The following MYOT variants were observed in gnomAD, a reference collection of about 807,000 sequenced individuals.
The protein encoded by MYOT is myotilin.
In MYOT, 36 loss-of-function variants were observed where a neutral mutation model predicts 58.0. The observed-to-expected ratio is 0.62, with a 90% CI of 0.48 to 0.82. The LOEUF (loss-of-function observed/expected upper bound fraction) is 0.82, where lower values mean the gene tolerates loss of function less well. Ranked by LOEUF, MYOT falls within the 40% of genes least tolerant of loss-of-function variation. The probability of loss-of-function intolerance (pLI) is 0.00; values close to 1 mark genes in which losing one functional copy is unlikely to be tolerated. For missense variants in MYOT, 505 were observed against 592.1 expected, an observed-to-expected ratio of 0.85 and a Z score of 1.53; for synonymous variants, 218 against 204.6, an observed-to-expected ratio of 1.07 and a Z score of -0.56.
chr5:137,870,718 C>G lies in MYOT; in HGVS notation c.67C>G (p.Pro23Ala). 1 of 1,614,254 alleles carries G rather than the reference C, an allele frequency of 6.2e-7. No individual in the cohort carries two copies. Among genetic ancestry groups the G allele is most frequent in the Non-Finnish European group, 8.5e-7 (1 of 1,180,050 alleles). The change falls in exon 2 of 10, where the codon CCT (proline) becomes GCT (alanine). Residue 23 changes from proline to alanine, a missense_variant. Coordinates refer to ENST00000239926, the MANE Select transcript of MYOT (RefSeq NM_006790.3). ...SQNPCGSRLQ[P>A]PGPETSSFSS... Reference sequence around the variant, plus strand: ...AAACCCATGTGGCTCCAGATTGCAGCCTCCTGGACCAGAAACCTCCAGCTT... The same window carrying G: ...AAACCCATGTGGCTCCAGATTGCAGGCTCCTGGACCAGAAACCTCCAGCTT...
At chr5:137,882,368 GATTA>G (rs777187157) in intron 6 of MYOT, among the ~76,000 whole-genome samples, 6 of 151,954 alleles carry the variant, frequency 3.9e-5, no homozygotes, top group Admixed American at 6.6e-5. Context: ...AAATTATGAG[GATTA>G]ATTGAGTGGA....
chr5:137,886,612 T>TA (rs1755609026), intron 8 of MYOT: 1 of 529,618 alleles, frequency 1.9e-6, no homozygotes, highest in South Asian at 1.8e-5. Context: ...CCCCTATACA[T>TA]ACGCATAAAT....
rs1029781405 is a variant in MYOT at position 137,887,757 on chromosome 5, G to A, written c.*372G>A. 3.4e-4 allele frequency: 54 copies of A among 159,706 alleles called. 1 individual carries two copies. The highest frequency in any genetic ancestry group is 1.9e-4 in the South Asian group (1 of 5,320). 9.9% of individuals were successfully genotyped at this position (159,706 alleles called of 1,614,324 possible). A position where few individuals can be genotyped will look rare whatever the true frequency, so the allele number is the denominator to read the frequency against. Reference sequence around the variant, plus strand: ...CTGCTTTCTAAATACTGTTTTACCCGTTTTCTCTTGTAGGAATACTAACAT... The same window carrying A: ...CTGCTTTCTAAATACTGTTTTACCCATTTTCTCTTGTAGGAATACTAACAT... On this transcript the variant is annotated 3_prime_UTR_variant, in exon 10 of 10. Transcript: ENST00000239926.
intron 2 of MYOT, among the ~76,000 whole-genome samples, chr5:137,873,625 C>T (rs561138227): frequency 6.6e-6 from 1 of 151,884 alleles, no homozygotes; most frequent in Non-Finnish European, 1.5e-5. Context: ...GATTTTGACA[C>T]TTTGATCTAG....
intron 5 of MYOT, 56 bp downstream of exon 5, chr5:137,880,921 C>G (rs1755409240): frequency 4.9e-6 from 6 of 1,224,460 alleles, no homozygotes; most frequent in Non-Finnish European, 5.9e-6. Context: ...ATATTTTCAG[C>G]TTAAAAATGT....
rs1446632768 is a variant in MYOT, at chr5:137,870,952, T to G, written c.301T>G (p.Leu101Val). ...QSPASFLSSI[L>V]PSQPDYNSSK... ...CCCAGCCAGCTTCCTCAGCTCCATA[T>G]TACCATCACAGCCTGATTACAATAG... Residue 101 changes from leucine (L) to valine (V), a missense_variant, in exon 2 of 10, where the codon TTA becomes GTA. By Grantham distance (32) the Leu-to-Val change is conservative (BLOSUM62 1). Coordinates refer to ENST00000239926, the MANE Select transcript of MYOT (RefSeq NM_006790.3). The G allele has an allele frequency of 6.2e-7, 1 of 1,614,176 alleles. No individual in the cohort carries two copies. Among genetic ancestry groups the G allele is most frequent in the Non-Finnish European group, 8.5e-7 (1 of 1,180,026 alleles).
intron 3 of MYOT, among the ~76,000 whole-genome samples, chr5:137,876,678 C>T (rs1372822186): frequency 6.6e-6 from 1 of 152,142 alleles, no homozygotes; most frequent in Non-Finnish European, 1.5e-5. Context: ...GTGGCATGCA[C>T]CTGTAGTTCC....
At chr5:137,882,354 C>T (rs1284240208) in intron 6 of MYOT, among the ~76,000 whole-genome samples, 1 of 151,852 alleles carries the variant, frequency 6.6e-6, no homozygotes, top group East Asian at 1.9e-4. Flanking sequence ...ACAAATACCC[C>T]AAAAAATTAT....
chr5:137,874,731 C>T (rs1486619358), intron 2 of MYOT, among the ~76,000 whole-genome samples: 1 of 152,150 alleles, frequency 6.6e-6, no homozygotes, highest in Non-Finnish European at 1.5e-5. Flanking sequence ...TTTCTTTCTC[C>T]TTCCTCAAAT....
chr5:137,875,456 G>A (rs935323795), intron 2 of MYOT, among the ~76,000 whole-genome samples: 1 of 152,048 alleles, frequency 6.6e-6, no homozygotes, highest in African/African-American at 2.4e-5. Flanking sequence ...ATATACCCAT[G>A]TAACAAACAT....
chr5:137,877,212 CAAAAAATT>C (rs1755255539), intron 3 of MYOT, among the ~76,000 whole-genome samples: 1 of 151,388 alleles, frequency 6.6e-6, no homozygotes, highest in South Asian at 2.1e-4. Context: ...ACTAAAAATA[CAAAAAATT>C]AGCTGGGCAT....
At chr5:137,885,068 A>G (rs1394016658) in intron 7 of MYOT, among the ~76,000 whole-genome samples, 1 of 152,188 alleles carries the variant, frequency 6.6e-6, no homozygotes, top group Admixed American at 6.5e-5. Context: ...CAGAAATACT[A>G]CAATAGTAGA....
intron 4 of MYOT, among the ~76,000 whole-genome samples, chr5:137,880,087 A>T (rs1162459764): frequency 6.6e-6 from 1 of 152,156 alleles, no homozygotes; most frequent in Non-Finnish European, 1.5e-5. Context: ...TGTGTTTTCC[A>T]CTTTGTATCT....
chr5:137,871,109 T>C, intron 2 of MYOT, 102 bp downstream of exon 2: 1 of 979,954 alleles, frequency 1.0e-6, no homozygotes, highest in South Asian at 1.4e-5. Flanking sequence ...TTCTTTACTA[T>C]CTAAAAAGGC....
rs373489115 is a variant in MYOT, at chr5:137,886,182, G to A, written c.1159G>A (p.Glu387Lys). 211 of 1,612,022 alleles carry A rather than the reference G, an allele frequency of 1.3e-4. No individual in the cohort carries two copies. The highest frequency in any genetic ancestry group is 1.8e-4 in the Non-Finnish European group (210 of 1,178,568). Reference sequence around the variant, plus strand: ...AAAGCTTTTCTGGAAAAGAAATAATGAAATGGTACAATTCAACACTGACCG... The same window carrying A: ...AAAGCTTTTCTGGAAAAGAAATAATAAAATGGTACAATTCAACACTGACCG... ...PPKLFWKRNNEMVQFNTDRIS... is the reference protein window; with the variant it reads ...PPKLFWKRNNKMVQFNTDRIS... Residue 387 changes from glutamate to lysine, a missense_variant, in exon 8 of 10, where the codon GAA (glutamate) becomes AAA (lysine). Glu to Lys is a moderately conservative substitution (Grantham distance 56, BLOSUM62 1). Transcript: ENST00000239926.
intron 4 of MYOT, among the ~76,000 whole-genome samples, chr5:137,878,170 G>T (rs1561661123): frequency 6.6e-6 from 1 of 150,732 alleles, no homozygotes; most frequent in Non-Finnish European, 1.5e-5. Context: ...TCCAAGAAGG[G>T]TTTAACTTTA....
chr5:137,876,379 T>C (rs1755221230), intron 3 of MYOT, among the ~76,000 whole-genome samples: 1 of 152,238 alleles, frequency 6.6e-6, no homozygotes, highest in Admixed American at 6.5e-5. Flanking sequence ...ATGTAGTCCT[T>C]ATTGTGTATA....
intron 8 of MYOT, 27 bp downstream of exon 8, chr5:137,886,240 A>G: frequency 6.4e-7 from 1 of 1,563,404 alleles, no homozygotes. Context: ...TAGACTTACT[A>G]TAGTTTATTT....
intron 2 of MYOT, among the ~76,000 whole-genome samples, chr5:137,871,614 C>T (rs1561657875): frequency 6.6e-6 from 1 of 152,184 alleles, no homozygotes; most frequent in Non-Finnish European, 1.5e-5. Flanking sequence ...TAGATGAAGG[C>T]TTATGACCTT....
Sources: gnomAD v4.1 joint callset for allele counts (sites outside exome capture counted in the v4.1 genomes callset) on GRCh38, gnomAD v4.1.1 for gene constraint, MANE v1.5 for transcripts, NCBI Gene and HGNC (gene_info 2026-07-23, HGNC 2026-07-21) for gene names.